MYRIP: variants seen among roughly 807,000 people sequenced by gnomAD.
MYRIP encodes the protein rab effector MyRIP.
In MYRIP, 49 loss-of-function variants were observed where a neutral mutation model predicts 98.0. That is an observed-to-expected ratio of 0.50 (90% CI 0.40 to 0.63). MYRIP has a LOEUF of 0.63. Ranked by LOEUF, MYRIP falls within the 30% of genes least tolerant of loss-of-function variation. The probability of loss-of-function intolerance (pLI) is 0.00; values close to 1 mark genes in which losing one functional copy is unlikely to be tolerated. For missense variants in MYRIP, 1,004 were observed against 1,058.2 expected (o/e 0.95, Z 0.71); for synonymous variants, 404 against 409.5 (o/e 0.99, Z 0.16).
intron 1 of MYRIP, among the ~76,000 whole-genome samples, chr3:39,886,896 GCACCA>G (rs1441761180): frequency 6.6e-6 from 1 of 152,048 alleles, no homozygotes; most frequent in Non-Finnish European, 1.5e-5. Flanking sequence ...ATTGTTTTCA[GCACCA>G]CACCACACCT....
At chr3:40,199,897 C>CACTT (rs950383269) in intron 10 of MYRIP, among the ~76,000 whole-genome samples, 4 of 151,822 alleles carry the variant, frequency 2.6e-5, no homozygotes, top group Admixed American at 6.6e-5. Flanking sequence ...CATTCCTCGC[C>CACTT]ACTTACCTCC....
chr3:40,103,568 G>C (rs1048457213), intron 3 of MYRIP, among the ~76,000 whole-genome samples: 2 of 152,242 alleles, frequency 1.3e-5, no homozygotes, highest in Non-Finnish European at 2.9e-5. Flanking sequence ...AGACCAGCCT[G>C]ACCAACATGG....
At chr3:39,914,123 A>G (rs1944092621) in intron 2 of MYRIP, among the ~76,000 whole-genome samples, 1 of 152,206 alleles carries the variant, frequency 6.6e-6, no homozygotes, top group African/African-American at 2.4e-5. Context: ...CACTGATGTT[A>G]TGTGGATTAC....
intron 1 of MYRIP, among the ~76,000 whole-genome samples, chr3:39,845,357 A>G (rs1488421253): frequency 6.6e-6 from 1 of 152,166 alleles, no homozygotes; most frequent in African/African-American, 2.4e-5. Flanking sequence ...TTTTTACCAC[A>G]TATTTAAAAA....
intron 3 of MYRIP, among the ~76,000 whole-genome samples, chr3:40,052,276 A>G (rs1947808956): frequency 6.6e-6 from 1 of 152,172 alleles, no homozygotes; most frequent in African/African-American, 2.4e-5. Context: ...CATATGAATG[A>G]GAACATGTAA....
At chr3:40,218,612 T>TA (rs1553629190) in intron 11 of MYRIP, among the ~76,000 whole-genome samples, 227 of 13,560 alleles carry the variant, frequency 0.017, 7 homozygotes, top group African/African-American at 0.027. Flanking sequence ...TATATATATT[T>TA]TATATATATA....
chr3:40,107,274 T>C (rs949571167), intron 3 of MYRIP, among the ~76,000 whole-genome samples: 1 of 152,208 alleles, frequency 6.6e-6, no homozygotes, highest in African/African-American at 2.4e-5. Context: ...TTTCATGAGA[T>C]TGCAGTCACT....
At chr3:40,233,796 T>G (rs1952735829) in intron 11 of MYRIP, 63 bp from the exon 12 acceptor site, 1 of 1,458,646 alleles carries the variant, frequency 6.9e-7, no homozygotes, top group East Asian at 2.3e-5. Flanking sequence ...AACATAGAAT[T>G]TCTGTGTCAT....
At chr3:40,064,134 A>G (rs1948079405) in intron 3 of MYRIP, among the ~76,000 whole-genome samples, 1 of 152,124 alleles carries the variant, frequency 6.6e-6, no homozygotes, top group South Asian at 2.1e-4. Flanking sequence ...AGTAATCTTG[A>G]TTAGGTGTCA....
At chr3:40,050,531 G>C (rs1185156534) in intron 3 of MYRIP, among the ~76,000 whole-genome samples, 1 of 151,968 alleles carries the variant, frequency 6.6e-6, no homozygotes, top group Non-Finnish European at 1.5e-5. Flanking sequence ...TGGGAGCTCT[G>C]ATGAAAATAT....
chr3:39,923,170 G>C (rs1255930865), intron 2 of MYRIP, among the ~76,000 whole-genome samples: 2 of 152,068 alleles, frequency 1.3e-5, no homozygotes, highest in Non-Finnish European at 2.9e-5. Context: ...AAGTAGAGTG[G>C]ACTGAAAGTG....
rs1198527956 is a variant in MYRIP at position 40,158,156 on chromosome 3, C to T, written c.470-4574C>T. Among the ~76,000 whole-genome samples the T allele has an allele frequency of 2.6e-5, 4 of 152,284 alleles. No homozygotes were observed. The East Asian group carries it at 7.7e-4, about 29-fold the overall frequency. ...TTAGTGCTATAAATTTCCCTCTACA[C>T]ACTGCTTTGAATGCGTCCCAGAGAT... On this transcript the variant is annotated intron_variant, in intron 4 of 16. Transcript: ENST00000302541.
At chr3:39,879,300 TTGTC>T (rs944130862) in intron 1 of MYRIP, among the ~76,000 whole-genome samples, 1 of 151,978 alleles carries the variant, frequency 6.6e-6, no homozygotes, top group African/African-American at 2.4e-5. Context: ...TCTTATTTGT[TTGTC>T]TTATTTTTTT....
Position 40,093,646 on chromosome 3 carries a change from A to T in MYRIP, c.332+49375A>T, listed in dbSNP as rs1380811050. Among the ~76,000 whole-genome samples, 16 of 152,344 alleles carry T rather than the reference A, an allele frequency of 1.1e-4. No individual in the cohort carries two copies. The South Asian group carries it at 3.3e-3, about 32-fold the overall frequency. ...TAGCAGCTCCTGCTCTCACACTGGG[A>T]TAGCAGTGCACTTTACCTGGGCTCA... On this transcript the variant is annotated intron_variant, in intron 3 of 16. Transcript: ENST00000302541.
chr3:39,873,478 C>T (rs1214193559), intron 1 of MYRIP, among the ~76,000 whole-genome samples: 2 of 152,088 alleles, frequency 1.3e-5, no homozygotes, highest in African/African-American at 2.4e-5. Context: ...TTAGGTCTAA[C>T]GTTTAAGTCT....
At chr3:40,057,621 C>G (rs1447997309) in intron 3 of MYRIP, among the ~76,000 whole-genome samples, 1 of 152,138 alleles carries the variant, frequency 6.6e-6, no homozygotes, top group Non-Finnish European at 1.5e-5. Context: ...CTTTCTCTGT[C>G]TTAGTGGTGC....
intron 1 of MYRIP, among the ~76,000 whole-genome samples, chr3:39,890,182 C>G (rs994131278): frequency 6.6e-6 from 1 of 151,760 alleles, no homozygotes; most frequent in African/African-American, 2.4e-5. Flanking sequence ...TTTTTTTCCC[C>G]CATTTTCCTT....
intron 3 of MYRIP, among the ~76,000 whole-genome samples, chr3:40,100,416 G>A (rs1370731216): frequency 6.6e-6 from 1 of 152,022 alleles, no homozygotes; most frequent in Non-Finnish European, 1.5e-5. Context: ...TTAGCATTTT[G>A]CATATGCATA....
intron 1 of MYRIP, among the ~76,000 whole-genome samples, chr3:39,858,770 A>G (rs1214007935): frequency 6.6e-6 from 1 of 152,176 alleles, no homozygotes; most frequent in African/African-American, 2.4e-5. Flanking sequence ...AAGAGAATTA[A>G]AACACTCCTG....
Sources: allele counts gnomAD v4.1 joint callset (sites outside exome capture counted in the v4.1 genomes callset), GRCh38; gene constraint gnomAD v4.1.1; transcripts MANE v1.5; gene names NCBI Gene and HGNC (gene_info 2026-07-23, HGNC 2026-07-21).